The following ABCA13 variants were observed in gnomAD, a reference collection of about 807,000 sequenced individuals.
ABCA13 encodes ATP binding cassette subfamily A member 13.
ABCA13 carries 476 observed loss-of-function variants against 478.7 expected under a neutral mutation model. That is an observed-to-expected ratio of 0.99 (90% CI 0.92 to 1.07). The LOEUF (loss-of-function observed/expected upper bound fraction) is 1.07, where lower values mean the gene tolerates loss of function less well. ABCA13 is among the 50% of genes least tolerant of loss of function. ABCA13 has a pLI of 0.00. For missense variants in ABCA13, 6,060 were observed against 5,910.6 expected (o/e 1.03, Z -0.83); for synonymous variants, 2,252 against 2,158.9 (o/e 1.04, Z -1.20).
rs1172564159 is a variant in ABCA13 at position 48,310,106 on chromosome 7, A to T, written c.9481A>T (p.Ser3161Cys). Reference sequence around the variant, plus strand: ...AGTGTATTCTCTGATTGTGTTGCTGAGTCGAAACTTGGATGTGCGAGCTTT... The same window carrying T: ...AGTGTATTCTCTGATTGTGTTGCTGTGTCGAAACTTGGATGTGCGAGCTTT... ...SKVYSLIVLLSRNLDVRAFIY... is the reference protein window; with the variant it reads ...SKVYSLIVLLCRNLDVRAFIY... The change falls in exon 24 of 62, where the codon AGT (serine) becomes TGT (cysteine). Residue 3161 changes from serine to cysteine, a missense_variant. Transcript: ENST00000435803. 1 of 1,613,008 alleles carries T rather than the reference A, an allele frequency of 6.2e-7. No individual in the cohort carries two copies. The highest frequency in any genetic ancestry group is 1.3e-5 in the African/African-American group (1 of 74,910).
intron 4 of ABCA13, among the ~76,000 whole-genome samples, chr7:48,219,883 A>ACAC (rs1787102645): frequency 4.0e-5 from 5 of 126,510 alleles, no homozygotes; most frequent in South Asian, 3.0e-4. Flanking sequence ...ACCTTCCCCA[A>ACAC]ACACACACAC....
intron 27 of ABCA13, among the ~76,000 whole-genome samples, chr7:48,324,369 T>C (rs978613360): frequency 3.3e-5 from 5 of 152,180 alleles, no homozygotes; most frequent in Non-Finnish European, 5.9e-5. Flanking sequence ...TTTAACTTAA[T>C]TGATGATTTA....
chr7:48,419,459 T>C (rs59324551), intron 41 of ABCA13, among the ~76,000 whole-genome samples: 57,771 of 151,834 alleles, frequency 0.38, 11,603 homozygotes, highest in African/African-American at 0.51. Flanking sequence ...GTTTGACAAA[T>C]GTATAGAGTT....
chr7:48,521,779 C>T (rs1385641611), intron 53 of ABCA13, among the ~76,000 whole-genome samples: 1 of 152,090 alleles, frequency 6.6e-6, no homozygotes, highest in Non-Finnish European at 1.5e-5. Flanking sequence ...TTGTTACCCA[C>T]AGTAAAGAGT....
chr7:48,507,131 G>T (rs1176813900), intron 49 of ABCA13, among the ~76,000 whole-genome samples: 3 of 152,156 alleles, frequency 2.0e-5, no homozygotes, highest in Non-Finnish European at 1.5e-5. Flanking sequence ...CAGGGTTCTA[G>T]CTTTAACAGT....
In ABCA13 at chr7:48,376,516, T is replaced by C; in HGVS notation, c.11279T>C (p.Leu3760Pro). ...TTTGGCTGGGTTTGCTGGATGATTC[T>C]TTTTGATTCAAGCCTTTATTTTTTG... is the stretch of plus-strand genomic sequence containing the variant. The part of the protein sequence containing the change: ...MTFGWVCWMI[L>P]FDSSLYFLCG... The change falls in exon 35 of 62, where the codon CTT (leucine) becomes CCT (proline). Residue 3760 changes from leucine to proline, a missense_variant. This residue lies in a region of ABCA13 where 10 missense variants were observed against 30.5 expected (regional missense o/e 0.33). Transcript: ENST00000435803. The C allele has an allele frequency of 6.2e-7, 1 of 1,613,960 alleles. No individual in the cohort carries two copies. Among genetic ancestry groups the C allele is most frequent in the Non-Finnish European group, 8.5e-7 (1 of 1,179,840 alleles).
At chr7:48,541,271 G>C (rs943571081) in intron 55 of ABCA13, among the ~76,000 whole-genome samples, 15 of 152,070 alleles carry the variant, frequency 9.9e-5, no homozygotes, top group South Asian at 2.1e-4. Flanking sequence ...TTGGATTGGC[G>C]TTGGTTCCAG....
At chr7:48,597,635 A>T (rs941012111) in intron 58 of ABCA13, among the ~76,000 whole-genome samples, 15 of 152,118 alleles carry the variant, frequency 9.9e-5, no homozygotes, top group African/African-American at 3.4e-4. Flanking sequence ...TTTTTTCATT[A>T]TAGGCATCCT....
At chr7:48,241,207 G>A (rs1790781131) in intron 10 of ABCA13, 141 bp downstream of exon 10, 1 of 1,079,284 alleles carries the variant, frequency 9.3e-7, no homozygotes, top group Non-Finnish European at 1.3e-6. Context: ...GGAAATCAGA[G>A]GCTTTCATTG....
intron 36 of ABCA13, 60 bp from the exon 37 acceptor site, chr7:48,388,980 T>C: frequency 6.5e-7 from 1 of 1,540,390 alleles, no homozygotes; most frequent in Non-Finnish European, 8.9e-7. Context: ...TTAATAAATA[T>C]GAGCATTATT....
At chr7:48,581,527 C>G (rs939330053) in intron 56 of ABCA13, among the ~76,000 whole-genome samples, 4 of 152,138 alleles carry the variant, frequency 2.6e-5, no homozygotes, top group African/African-American at 9.7e-5. Context: ...GTCAGCTCCT[C>G]TTTGTTAGTT....
rs1404925874 is a variant in ABCA13 at position 48,524,277 on chromosome 7, A to G, written c.14081A>G (p.Lys4694Arg). The G allele has an allele frequency of 1.2e-6, 2 of 1,612,374 alleles. No individual in the cohort carries two copies. Among genetic ancestry groups the G allele is most frequent in the African/African-American group, 1.3e-5 (1 of 74,922 alleles). Reference sequence around the variant, plus strand: ...CATTCTACTCTCCAAGGCACAGTCAAATCTTCTAAGGATACAGATGTTGAA... The same window carrying G: ...CATTCTACTCTCCAAGGCACAGTCAGATCTTCTAAGGATACAGATGTTGAA... The part of the protein sequence containing the change: ...RGHSTLQGTV[K>R]SSKDTDVEKE... The change falls in exon 54 of 62, where the codon AAA (lysine) becomes AGA (arginine). Residue 4694 changes from lysine to arginine, a missense_variant. By Grantham distance (26) the Lys-to-Arg change is conservative. Coordinates refer to ENST00000435803, the MANE Select transcript of ABCA13 (RefSeq NM_152701.5).
intron 38 of ABCA13, among the ~76,000 whole-genome samples, chr7:48,395,976 G>C (rs988570850): frequency 6.6e-6 from 1 of 152,230 alleles, no homozygotes; most frequent in African/African-American, 2.4e-5. Flanking sequence ...TATTTGAGAA[G>C]TTGGGGAGAG....
chr7:48,196,771 C>T (rs1193322204), intron 2 of ABCA13, among the ~76,000 whole-genome samples: 2 of 152,084 alleles, frequency 1.3e-5, no homozygotes, highest in Non-Finnish European at 2.9e-5. Context: ...ATAGAGGGGA[C>T]ACAGAAGTCA....
intron 1 of ABCA13, among the ~76,000 whole-genome samples, chr7:48,189,982 C>A (rs1250506833): frequency 6.6e-6 from 1 of 152,060 alleles, no homozygotes; most frequent in African/African-American, 2.4e-5. Flanking sequence ...AGTTAATATG[C>A]AAGGAATTAT....
In ABCA13 at chr7:48,391,936, G is replaced by C. The variant is rs1379981192; in HGVS notation, c.11670G>C (p.Gly3890=). Residue 3890 remains glycine, a synonymous_variant, in exon 38 of 62, where the codon GGG becomes GGC. Transcript: ENST00000435803. The part of the protein sequence containing the change: ...GKTTIISMLT[G]LHPPTSGTII... ...TCTCTGGCAGATCCATGTTGACGGG[G>C]CTCCACCCTCCCACTTCTGGAACCA... 1.2e-6 allele frequency: 2 copies of C among 1,613,686 alleles called. No homozygotes were observed. Among genetic ancestry groups the C allele is most frequent in the Non-Finnish European group, 1.7e-6 (2 of 1,179,834 alleles).
intron 27 of ABCA13, among the ~76,000 whole-genome samples, chr7:48,322,680 T>G (rs1803668327): frequency 6.6e-6 from 1 of 152,246 alleles, no homozygotes; most frequent in Admixed American, 6.5e-5. Flanking sequence ...AAGAAGTATC[T>G]TCTCTCCTCA....
At chr7:48,314,800 GCTCT>G (rs1392582784) in intron 26 of ABCA13, among the ~76,000 whole-genome samples, 3 of 152,124 alleles carry the variant, frequency 2.0e-5, no homozygotes, top group Admixed American at 6.6e-5. Context: ...CTCCAAATTT[GCTCT>G]CTATGAAGCT....
chr7:48,507,580 A>C (rs1324017593), intron 49 of ABCA13, among the ~76,000 whole-genome samples: 1 of 152,142 alleles, frequency 6.6e-6, no homozygotes, highest in Non-Finnish European at 1.5e-5. Flanking sequence ...TTTCATCTTA[A>C]TTGGGAGTCA....
Sources: allele counts gnomAD v4.1 joint callset (sites outside exome capture counted in the v4.1 genomes callset), GRCh38; gene constraint gnomAD v4.1.1; regional missense constraint gnomAD v4.1.1; transcripts MANE v1.5; gene names NCBI Gene and HGNC (gene_info 2026-07-23, HGNC 2026-07-21).